GLMN: variants seen among roughly 807,000 people sequenced by gnomAD.
GLMN encodes glomulin.
A neutral mutation model predicts 87.8 loss-of-function variants in GLMN; 75 were observed. The ratio of observed to expected loss-of-function variants is 0.85; its 90% CI spans 0.71 to 1.04. GLMN has a LOEUF of 1.04. GLMN is among the 50% of genes least tolerant of loss of function. The pLI, the probability that GLMN is intolerant of heterozygous loss-of-function variation, is 0.00. For missense variants in GLMN, 588 were observed against 658.8 expected, an observed-to-expected ratio of 0.89 and a Z score of 1.18; for synonymous variants, 206 against 221.6, an observed-to-expected ratio of 0.93 and a Z score of 0.63.
At position 92,297,440 on chromosome 1, in the gene GLMN, G is replaced by T; in HGVS notation, c.129C>A (p.Asp43Glu). 1 of 1,609,358 alleles carries T rather than the reference G, an allele frequency of 6.2e-7. No individual in the cohort carries two copies. The highest frequency in any genetic ancestry group is 1.1e-5 in the South Asian group (1 of 90,942). The part of the protein sequence containing the change: ...GQRCIEEGHT[D>E]QLLEIIQNEK... ...CATTTTGAATAATTTCTAATAGCTG[G>T]TCTGTGTGCCCTTCTTCTATGCATC... The change falls in exon 3 of 19, where the codon GAC becomes GAA. Residue 43 changes from aspartate (D) to glutamate (E), a missense_variant. Coordinates refer to ENST00000370360, the MANE Select transcript of GLMN (RefSeq NM_053274.3).
chr1:92,255,404 A>C (rs1654085246), intron 16 of GLMN, among the ~76,000 whole-genome samples: 1 of 152,010 alleles, frequency 6.6e-6, no homozygotes, highest in African/African-American at 2.4e-5. Flanking sequence ...TGGACCAAGC[A>C]GACCTAACAG....
the GLMN span, among the ~76,000 whole-genome samples, chr1:92,354,986 CCT>C: frequency 6.6e-6 from 1 of 151,440 alleles, no homozygotes; most frequent in African/African-American, 2.4e-5. Flanking sequence ...GCAATCTCTG[CCT>C]CCCAGGCTCA....
At chr1:92,246,683 C>A (rs764675626) in intron 18 of GLMN, 37 bp from the exon 19 acceptor site, 23 of 1,052,254 alleles carry the variant, frequency 2.2e-5, no homozygotes, top group Non-Finnish European at 3.1e-5. Flanking sequence ...ATTAATGCTG[C>A]CTTTAAAGCA....
chr1:92,296,412 C>T (rs192421531), intron 3 of GLMN, among the ~76,000 whole-genome samples: 18 of 152,308 alleles, frequency 1.2e-4, no homozygotes, highest in African/African-American at 3.8e-4. Flanking sequence ...GGCACCTCTT[C>T]ACAGGGCAGC....
At position 92,246,486 on chromosome 1, in the gene GLMN, G is replaced by A; in HGVS notation, c.*44C>T. The A allele has an allele frequency of 1.2e-6, 1 of 862,144 alleles. No individual in the cohort carries two copies. Among genetic ancestry groups the A allele is most frequent in the Non-Finnish European group, 2.0e-6 (1 of 508,538 alleles). The allele number at this position is 862,144 out of a possible 1,614,324, so 53.4% of individuals were successfully genotyped here. A position where few individuals can be genotyped will look rare whatever the true frequency, so the allele number is the denominator to read the frequency against. On this transcript the variant is annotated 3_prime_UTR_variant, in exon 19 of 19. Transcript: ENST00000370360. Reference sequence around the variant, plus strand: ...TAAAGGTATTAAATGAATCATAATGGAAAGTACTATATTTTATTAGTTTTT... The same window carrying A: ...TAAAGGTATTAAATGAATCATAATGAAAAGTACTATATTTTATTAGTTTTT...
intron 14 of GLMN, 63 bp from the exon 15 acceptor site, chr1:92,263,795 T>C: frequency 1.2e-6 from 1 of 816,468 alleles, no homozygotes; most frequent in South Asian, 1.3e-5. Flanking sequence ...GTTTTTCTAA[T>C]ACCTTGACAC....
the GLMN span, chr1:92,304,227 A>G: frequency 5.6e-6 from 7 of 1,250,330 alleles, no homozygotes; most frequent in South Asian, 8.9e-5. Context: ...ATCTTGTAAC[A>G]TAACGTTCAT....
chr1:92,248,025 CAAT>C (rs758215984), intron 16 of GLMN, 36 bp from the exon 17 acceptor site: 1 of 854,814 alleles, frequency 1.2e-6, no homozygotes, highest in East Asian at 2.4e-5. Context: ...TTTAGTTCAA[CAAT>C]GATTGATTGC....
chr1:92,269,841 T>TA, intron 8 of GLMN, 65 bp from the exon 9 acceptor site: 1 of 1,041,158 alleles, frequency 9.6e-7, no homozygotes, highest in Non-Finnish European at 1.5e-6. Context: ...CACACATACA[T>TA]ATTGTTATGG....
chr1:92,301,284 G>GT (rs1650838000), upstream of GLMN, among the ~76,000 whole-genome samples: 1 of 152,138 alleles, frequency 6.6e-6, no homozygotes, highest in South Asian at 2.1e-4. Flanking sequence ...AGGAGCTCGA[G>GT]ACCAGTTTGA....
At position 92,297,842 on chromosome 1, in the gene GLMN, C is replaced by T. The variant is rs944975405; in HGVS notation, c.39+119G>A. The T allele has an allele frequency of 2.0e-5, 14 of 683,162 alleles. No individual in the cohort carries two copies. In the East Asian group the frequency reaches 3.8e-4, roughly 19 times the overall value. 42.3% of individuals were successfully genotyped at this position (683,162 alleles called of 1,614,324 possible). On this transcript the variant is annotated intron_variant, in intron 2 of 18. Transcript: ENST00000370360. Reference sequence around the variant, plus strand: ...TCCCCCACTCATGCTCTTTACAGGTCAAAAAAAGCAAGGATTAAAGAAGAT... The same window carrying T: ...TCCCCCACTCATGCTCTTTACAGGTTAAAAAAAGCAAGGATTAAAGAAGAT...
the GLMN span, among the ~76,000 whole-genome samples, chr1:92,318,569 T>A: frequency 6.6e-6 from 1 of 152,186 alleles, no homozygotes. Flanking sequence ...GTAGATAGTT[T>A]AACCCACTTT....
chr1:92,280,778 C>T lies in GLMN; in HGVS notation c.735+5712G>A, dbSNP rs531836568. On this transcript the variant is annotated intron_variant, in intron 7 of 18. Transcript: ENST00000370360. Reference sequence around the variant, plus strand: ...CAGTGTAGAGAAGCACTTAAATGACCTGATGGAGCTGAAAACCATGGCACG... The same window carrying T: ...CAGTGTAGAGAAGCACTTAAATGACTTGATGGAGCTGAAAACCATGGCACG... Among the ~76,000 whole-genome samples the T allele has an allele frequency of 4.9e-4, 75 of 152,198 alleles. 1 individual carries two copies. The South Asian group carries it at 0.016, about 32-fold the overall frequency.
chr1:92,330,299 G>A, the GLMN span, among the ~76,000 whole-genome samples: 1 of 152,114 alleles, frequency 6.6e-6, no homozygotes, highest in East Asian at 1.9e-4. Context: ...GGTTTTGGTT[G>A]TAATCATTTG....
At chr1:92,366,279 G>C in the GLMN span, among the ~76,000 whole-genome samples, 23 of 152,168 alleles carry the variant, frequency 1.5e-4, no homozygotes, top group African/African-American at 5.1e-4. Flanking sequence ...CCTCAGCCTG[G>C]GTGACAGAGC....
At chr1:92,361,116 C>CATATATAT in the GLMN span, among the ~76,000 whole-genome samples, 1 of 148,306 alleles carries the variant, frequency 6.7e-6, no homozygotes, top group Non-Finnish European at 1.5e-5. Flanking sequence ...CACACACACA[C>CATATATAT]ATATATATAT....
chr1:92,363,528 G>T, the GLMN span, among the ~76,000 whole-genome samples: 1 of 152,154 alleles, frequency 6.6e-6, no homozygotes, highest in East Asian at 1.9e-4. Context: ...TAGGGTATGA[G>T]GTTCTCTTCT....
intron 6 of GLMN, among the ~76,000 whole-genome samples, chr1:92,288,684 C>G (rs1168887175): frequency 6.6e-6 from 1 of 152,168 alleles, no homozygotes; most frequent in Non-Finnish European, 1.5e-5. Context: ...TCACTTCAGT[C>G]TCCCAAAGTG....
the GLMN span, among the ~76,000 whole-genome samples, chr1:92,335,681 T>A: frequency 6.6e-6 from 1 of 152,184 alleles, no homozygotes; most frequent in Non-Finnish European, 1.5e-5. Flanking sequence ...ACTTCACATC[T>A]ATCATGAATA....
Sources: allele counts gnomAD v4.1 joint callset (sites outside exome capture counted in the v4.1 genomes callset), GRCh38; gene constraint gnomAD v4.1.1; transcripts MANE v1.5; gene names NCBI Gene and HGNC (gene_info 2026-07-23, HGNC 2026-07-21).